Variants in NBEA observed in about 807,000 individuals in gnomAD.
NBEA encodes neurobeachin, also known as lysosomal-trafficking regulator 2.
Under a neutral mutation model 343.4 loss-of-function variants are expected in NBEA, and 44 were observed. The ratio of observed to expected loss-of-function variants is 0.13; its 90% confidence interval spans 0.10 to 0.16. NBEA has a LOEUF of 0.16. Among genes scored for constraint, NBEA ranks in the 10% least tolerant of loss-of-function variants. The pLI is 1.00. For missense variants in NBEA, 2,555 were observed against 3,631.3 expected, an observed-to-expected ratio of 0.70 and a Z score of 7.62; for synonymous variants, 1,175 against 1,238.7, an observed-to-expected ratio of 0.95 and a Z score of 1.08.
At chr13:35,145,364 G>A (rs767325811) in intron 18 of NBEA, among the ~76,000 whole-genome samples, 3 of 152,158 alleles carry the variant, frequency 2.0e-5, no homozygotes, top group Non-Finnish European at 4.4e-5. Context: ...GGCTTAGGAT[G>A]TACCCCAGAT....
chr13:35,041,768 A>G (rs1227503920), intron 2 of NBEA, among the ~76,000 whole-genome samples: 4 of 152,048 alleles, frequency 2.6e-5, no homozygotes, highest in African/African-American at 9.6e-5. Context: ...TTTGAAATCT[A>G]TAATTTTTTC....
intron 3 of NBEA, 93 bp downstream of exon 3, chr13:35,045,140 T>C: frequency 8.0e-7 from 1 of 1,247,502 alleles, no homozygotes; most frequent in Non-Finnish European, 1.1e-6. Context: ...TACTTGAATT[T>C]ATAATGGAAA....
At chr13:35,222,254 A>G (rs1486512320) in intron 33 of NBEA, among the ~76,000 whole-genome samples, 1 of 152,100 alleles carries the variant, frequency 6.6e-6, no homozygotes, top group East Asian at 1.9e-4. Context: ...AGTTCATCCA[A>G]TTAAACATTT....
intron 41 of NBEA, among the ~76,000 whole-genome samples, chr13:35,487,208 T>C (rs1368785509): frequency 6.6e-6 from 1 of 151,922 alleles, no homozygotes; most frequent in Non-Finnish European, 1.5e-5. Flanking sequence ...GTATAGATAC[T>C]AAAATGTGAG....
At chr13:35,553,389 C>A (rs560925724) in intron 43 of NBEA, among the ~76,000 whole-genome samples, 15 of 152,134 alleles carry the variant, frequency 9.9e-5, no homozygotes, top group African/African-American at 3.4e-4. Context: ...CCTAGATATA[C>A]ATCCTTAGAA....
At chr13:35,194,053 T>A (rs1394821268) in intron 30 of NBEA, among the ~76,000 whole-genome samples, 1 of 151,972 alleles carries the variant, frequency 6.6e-6, no homozygotes, top group Non-Finnish European at 1.5e-5. Context: ...TTTCAAAACC[T>A]GGCAACATTT....
intron 1 of NBEA, among the ~76,000 whole-genome samples, chr13:35,005,513 A>G (rs914774801): frequency 9.2e-5 from 14 of 152,208 alleles, no homozygotes; most frequent in African/African-American, 3.4e-4. Context: ...TTTGCTGTCT[A>G]TGGAACTATC....
rs1264032118 is a variant in NBEA at position 35,479,001 on chromosome 13, A to C, written c.6585+6465A>C. 2.0e-4 allele frequency among the ~76,000 whole-genome samples: 31 copies of C among 152,242 alleles called. 1 individual carries two copies. Among genetic ancestry groups the C allele is most frequent in the Admixed American group, 2.0e-3 (31 of 15,292 alleles). Reference sequence around the variant, plus strand: ...ATCTTCGGGGCTCACTGTGCAGCTTAATTGGGTTAAAGCGAAGCTAAACAC... The same window carrying C: ...ATCTTCGGGGCTCACTGTGCAGCTTCATTGGGTTAAAGCGAAGCTAAACAC... On this transcript the variant is annotated intron_variant, in intron 41 of 58. Coordinates refer to ENST00000379939, the MANE Select transcript of NBEA (RefSeq NM_001385012.1).
intron 20 of NBEA, among the ~76,000 whole-genome samples, chr13:35,156,660 T>TA (rs2069196057): frequency 6.6e-6 from 1 of 152,152 alleles, no homozygotes; most frequent in Non-Finnish European, 1.5e-5. Flanking sequence ...CCTGAGTCTA[T>TA]AATTTAACAA....
At chr13:34,996,092 A>T (rs1245218233) in intron 1 of NBEA, among the ~76,000 whole-genome samples, 3 of 152,134 alleles carry the variant, frequency 2.0e-5, no homozygotes, top group Non-Finnish European at 4.4e-5. Context: ...CAGAATTGGG[A>T]TCTAGGCCTA....
At chr13:35,096,277 G>A (rs1237776044) in intron 10 of NBEA, among the ~76,000 whole-genome samples, 3 of 150,286 alleles carry the variant, frequency 2.0e-5, no homozygotes, top group African/African-American at 4.9e-5. Flanking sequence ...TTTTGTTAGT[G>A]AATGCATTTG....
intron 54 of NBEA, among the ~76,000 whole-genome samples, 178 bp downstream of exon 54, chr13:35,655,188 G>A (rs543322309): frequency 2.6e-5 from 4 of 152,184 alleles, no homozygotes; most frequent in South Asian, 2.1e-4. Context: ...CATGTATTCC[G>A]AACGTTAGCA....
chr13:35,131,405 C>T (rs2067420274), intron 17 of NBEA, among the ~76,000 whole-genome samples: 1 of 152,066 alleles, frequency 6.6e-6, no homozygotes, highest in South Asian at 2.1e-4. Context: ...GGTGGTTTAA[C>T]ATCAGGACAA....
At chr13:35,098,683 C>T (rs933134411) in intron 11 of NBEA, among the ~76,000 whole-genome samples, 2 of 151,924 alleles carry the variant, frequency 1.3e-5, no homozygotes, top group Non-Finnish European at 2.9e-5. Context: ...TAAGTAGTAC[C>T]CCCTTTATTT....
At chr13:35,431,977 A>G (rs913887022) in intron 38 of NBEA, among the ~76,000 whole-genome samples, 5 of 152,116 alleles carry the variant, frequency 3.3e-5, no homozygotes, top group Admixed American at 2.0e-4. Flanking sequence ...TAAACTCCAC[A>G]TGATTAATGC....
At chr13:35,411,572 C>T (rs2043587558) in intron 38 of NBEA, among the ~76,000 whole-genome samples, 1 of 151,966 alleles carries the variant, frequency 6.6e-6, no homozygotes, top group Non-Finnish European at 1.5e-5. Context: ...ATCCTCCTGC[C>T]TCACCTCCTG....
chr13:35,410,584 A>G (rs1259476403), intron 38 of NBEA, among the ~76,000 whole-genome samples: 1 of 152,158 alleles, frequency 6.6e-6, no homozygotes, highest in Non-Finnish European at 1.5e-5. Flanking sequence ...AAAGACATAT[A>G]AACTTTATCC....
At chr13:35,652,885 A>G (rs890409222) in intron 53 of NBEA, among the ~76,000 whole-genome samples, 5 of 148,778 alleles carry the variant, frequency 3.4e-5, no homozygotes, top group South Asian at 2.2e-4. Flanking sequence ...TAGTGGAGTC[A>G]GGGTTTCACC....
intron 47 of NBEA, among the ~76,000 whole-genome samples, chr13:35,605,342 GGGAGAACTC>G (rs2082241796): frequency 6.6e-6 from 1 of 152,096 alleles, no homozygotes; most frequent in African/African-American, 2.4e-5. Context: ...CAGTTTTAGT[GGGAGAACTC>G]GTGAAGAGAA....
Sources: gnomAD v4.1 joint callset for allele counts (sites outside exome capture counted in the v4.1 genomes callset) on GRCh38, gnomAD v4.1.1 for gene constraint, MANE v1.5 for transcripts, NCBI Gene and HGNC (gene_info 2026-07-23, HGNC 2026-07-21) for gene names.